GPHN: variants seen among roughly 807,000 people sequenced by gnomAD.
The protein encoded by GPHN is gephyrin.
Under a neutral mutation model 95.5 loss-of-function variants are expected in GPHN, and 17 were observed. That is an observed-to-expected ratio of 0.18 (90% CI 0.12 to 0.27). GPHN has a LOEUF of 0.27. Ranked by LOEUF, GPHN falls within the 10% of genes least tolerant of loss-of-function variation. The pLI is 1.00. For synonymous variants in GPHN, 320 were observed against 322.5 expected (o/e 0.99, Z 0.08); for missense variants, 660 against 978.1 (o/e 0.67, Z 4.34).
At chr14:66,668,062 C>G (rs1238383284) in intron 1 of GPHN, among the ~76,000 whole-genome samples, 1 of 152,104 alleles carries the variant, frequency 6.6e-6, no homozygotes, top group Non-Finnish European at 1.5e-5. Flanking sequence ...TAGAGAAATG[C>G]AAATCAAAAC....
At chr14:67,501,943 T>A in the GPHN span, among the ~76,000 whole-genome samples, 1 of 152,172 alleles carries the variant, frequency 6.6e-6, no homozygotes, top group Non-Finnish European at 1.5e-5. Flanking sequence ...GTCACTTGAG[T>A]GAAAGAAAAT....
chr14:67,091,213 G>A (rs1167081474), intron 12 of GPHN, among the ~76,000 whole-genome samples: 1 of 151,842 alleles, frequency 6.6e-6, no homozygotes, highest in African/African-American at 2.4e-5. Context: ...GATCTCACTA[G>A]ATTAGAATAC....
chr14:67,359,547 G>C, the GPHN span: 2 of 1,255,148 alleles, frequency 1.6e-6, no homozygotes, highest in South Asian at 1.3e-5. Context: ...CCTGGGAAAA[G>C]CTCAGGATCC....
chr14:67,167,869 C>T lies in GPHN; in HGVS notation c.1976-1064C>T, dbSNP rs986449442. 3.3e-5 allele frequency among the ~76,000 whole-genome samples: 5 copies of T among 152,282 alleles called. No individual in the cohort carries two copies. In the South Asian group the frequency reaches 6.2e-4, roughly 19 times the overall value. ...CAGACAGCTTGGTTAGATAATAATGCCACACAAGAAATCAAATCTGTTATT... is the reference window on the plus strand; with the variant it reads ...CAGACAGCTTGGTTAGATAATAATGTCACACAAGAAATCAAATCTGTTATT... On this transcript the variant is annotated intron_variant, in intron 20 of 22. Coordinates refer to ENST00000478722, the MANE Select transcript of GPHN (RefSeq NM_020806.5).
chr14:66,925,133 A>C (rs1030423445), intron 8 of GPHN, among the ~76,000 whole-genome samples: 2 of 152,132 alleles, frequency 1.3e-5, no homozygotes, highest in African/African-American at 2.4e-5. Flanking sequence ...CTTTTTAAAA[A>C]TTTTAATTTT....
At chr14:67,390,736 CTCT>C in the GPHN span, 3 of 1,612,200 alleles carry the variant, frequency 1.9e-6, no homozygotes, top group South Asian at 2.2e-5. Flanking sequence ...CCAGTTTTTC[CTCT>C]TGTGTCCCTG....
the GPHN span, among the ~76,000 whole-genome samples, chr14:67,344,168 G>T: frequency 8.4e-3 from 1,282 of 152,324 alleles, 12 homozygotes; most frequent in Admixed American, 0.018. Flanking sequence ...TTTGTAATCT[G>T]TAGCCAATGA....
intron 11 of GPHN, among the ~76,000 whole-genome samples, chr14:67,079,497 C>T (rs1471072128): frequency 2.0e-5 from 3 of 152,072 alleles, no homozygotes; most frequent in Non-Finnish European, 2.9e-5. Context: ...TGGGACATTT[C>T]ATATAAGTAG....
chr14:67,053,919 ATG>A (rs2075430139), intron 10 of GPHN, among the ~76,000 whole-genome samples: 1 of 152,226 alleles, frequency 6.6e-6, no homozygotes, highest in Admixed American at 6.5e-5. Context: ...ACTTCCCTTC[ATG>A]TTAAAAACTT....
chr14:67,382,449 T>C, the GPHN span: 11 of 1,611,376 alleles, frequency 6.8e-6, no homozygotes, highest in Non-Finnish European at 9.3e-6. Flanking sequence ...TCTTTTAGAT[T>C]AATCTAATAG....
the GPHN span, among the ~76,000 whole-genome samples, chr14:67,257,470 A>G: frequency 2.0e-3 from 309 of 152,228 alleles, no homozygotes; most frequent in African/African-American, 7.0e-3. Flanking sequence ...GGGTCCTGAT[A>G]CTTACTTTGC....
At chr14:67,085,250 A>G (rs554998808) in intron 11 of GPHN, among the ~76,000 whole-genome samples, 1 of 152,356 alleles carries the variant, frequency 6.6e-6, no homozygotes, top group East Asian at 1.9e-4. Flanking sequence ...TAGATTCTAT[A>G]CCATAGGAAC....
chr14:67,449,461 G>A, the GPHN span, among the ~76,000 whole-genome samples: 3 of 152,186 alleles, frequency 2.0e-5, no homozygotes, highest in Admixed American at 2.0e-4. Context: ...AAGGCTAGAA[G>A]GCAGGGTGTG....
chr14:67,643,111 A>G, the GPHN span, among the ~76,000 whole-genome samples: 1 of 151,952 alleles, frequency 6.6e-6, no homozygotes, highest in Non-Finnish European at 1.5e-5. Flanking sequence ...CTGTGGATAC[A>G]TTTTCTGCCT....
chr14:66,872,382 T>G (rs1244124760), intron 4 of GPHN, among the ~76,000 whole-genome samples: 2 of 152,206 alleles, frequency 1.3e-5, no homozygotes, highest in African/African-American at 4.8e-5. Context: ...ACTTGCTTAA[T>G]TTTTGGAAAC....
chr14:67,485,153 C>G, the GPHN span, among the ~76,000 whole-genome samples: 1 of 152,224 alleles, frequency 6.6e-6, no homozygotes, highest in Admixed American at 6.5e-5. Context: ...AGGAGAATCA[C>G]TGAACCAAAC....
At chr14:67,662,388 G>A in the GPHN span, 2 of 1,142,668 alleles carry the variant, frequency 1.8e-6, no homozygotes, top group Non-Finnish European at 2.6e-6. Context: ...CAATGGACAG[G>A]AACAGTTAAT....
At chr14:67,158,171 G>A (rs886160777) in intron 18 of GPHN, among the ~76,000 whole-genome samples, 1 of 151,718 alleles carries the variant, frequency 6.6e-6, no homozygotes, top group African/African-American at 2.4e-5. Context: ...GCTGGGCGTA[G>A]TGGTGCATGC....
At chr14:67,580,520 G>A in the GPHN span, among the ~76,000 whole-genome samples, 1 of 152,228 alleles carries the variant, frequency 6.6e-6, no homozygotes. Flanking sequence ...ACATTGCCTG[G>A]AAAAACTATG....
Sources: allele counts gnomAD v4.1 joint callset (sites outside exome capture counted in the v4.1 genomes callset), GRCh38; gene constraint gnomAD v4.1.1; transcripts MANE v1.5; gene names NCBI Gene and HGNC (gene_info 2026-07-23, HGNC 2026-07-21).